Variants in EXOC6B observed in about 807,000 individuals in gnomAD.
EXOC6B encodes exocyst complex component 6B, also known as SEC15 homolog B.
EXOC6B carries 54 observed loss-of-function variants against 113.5 expected under a neutral mutation model. The observed-to-expected ratio is 0.48, with a 90% CI of 0.38 to 0.60. EXOC6B has a LOEUF of 0.60. Ranked by LOEUF, EXOC6B falls within the 20% of genes least tolerant of loss-of-function variation. EXOC6B has a pLI of 0.00. For missense variants in EXOC6B, 797 were observed against 977.5 expected (o/e 0.82, Z 2.46); for synonymous variants, 357 against 339.0 (o/e 1.05, Z -0.58).
intron 18 of EXOC6B, among the ~76,000 whole-genome samples, chr2:72,418,743 ATT>A (rs1263297402): frequency 6.6e-6 from 1 of 152,150 alleles, no homozygotes; most frequent in African/African-American, 2.4e-5. Flanking sequence ...TAATTGGACC[ATT>A]TTAAAAATCC....
chr2:72,687,143 A>C (rs1474187518), intron 6 of EXOC6B, among the ~76,000 whole-genome samples: 4 of 152,138 alleles, frequency 2.6e-5, no homozygotes, highest in Non-Finnish European at 4.4e-5. Context: ...GTCTCAAAAA[A>C]AAAAAAAAAC....
chr2:72,454,478 C>T (rs1175111242), intron 18 of EXOC6B, among the ~76,000 whole-genome samples: 2 of 152,040 alleles, frequency 1.3e-5, no homozygotes, highest in African/African-American at 4.8e-5. Context: ...GCACTCCAGT[C>T]TGGGTGACAG....
rs116358791 is a variant in EXOC6B, at chr2:72,540,452, A to G, written c.915+19001T>C. ...GCTCCATACAAATCATTTTCTACATATATATATTTTCTTAACCATTTGAAA... is the reference window on the plus strand; with the variant it reads ...GCTCCATACAAATCATTTTCTACATGTATATATTTTCTTAACCATTTGAAA... On this transcript the variant is annotated intron_variant, in intron 8 of 21. Transcript: ENST00000272427. Among the ~76,000 whole-genome samples, 815 of 152,246 alleles carry G rather than the reference A, an allele frequency of 5.4e-3. 9 individuals carry two copies. Among genetic ancestry groups the G allele is most frequent in the African/African-American group, 0.019 (777 of 41,548 alleles).
intron 20 of EXOC6B, among the ~76,000 whole-genome samples, chr2:72,191,325 C>T (rs1263331237): frequency 6.6e-6 from 1 of 151,962 alleles, no homozygotes; most frequent in Non-Finnish European, 1.5e-5. Context: ...TCAGAAAATT[C>T]CCTTAGCTTA....
chr2:72,399,531 G>A lies in EXOC6B; in HGVS notation c.1981-19661C>T, dbSNP rs528892695. Among the ~76,000 whole-genome samples the A allele has an allele frequency of 6.4e-4, 98 of 152,196 alleles. 1 individual carries two copies. Among genetic ancestry groups the A allele is most frequent in the African/African-American group, 2.3e-3 (94 of 41,538 alleles). On this transcript the variant is annotated intron_variant, in intron 18 of 21. Coordinates refer to ENST00000272427, the MANE Select transcript of EXOC6B (RefSeq NM_015189.3). ...AACTATCTCTCCTTGCTGATGATAT[G>A]ATTCTATACCCTAAAGACAATACCA... is the stretch of plus-strand genomic sequence containing the variant.
At chr2:72,560,647 T>C (rs547537436) in intron 7 of EXOC6B, among the ~76,000 whole-genome samples, 1 of 152,100 alleles carries the variant, frequency 6.6e-6, no homozygotes, top group Non-Finnish European at 1.5e-5. Flanking sequence ...CACACCTTTA[T>C]ATTTATGGGT....
At chr2:72,575,782 T>C in intron 6 of EXOC6B, 114 bp from the exon 7 acceptor site, 1 of 975,148 alleles carries the variant, frequency 1.0e-6, no homozygotes, top group Non-Finnish European at 1.4e-6. Flanking sequence ...AAACTTCTAA[T>C]TTTGAACAAA....
rs1701914375 is a variant in EXOC6B at position 72,529,932 on chromosome 2, CTTA to C, written c.916-14809_916-14807del. 2.6e-5 allele frequency among the ~76,000 whole-genome samples: 4 copies of C among 152,238 alleles called. No individual in the cohort carries two copies. In the South Asian group the frequency reaches 8.3e-4, roughly 32 times the overall value. ...TATGTAGAGTTGTTCACAGTGTTCT[CTTA>C]TTATCCTTTCCATATCAATAGTGTC... On this transcript the variant is annotated intron_variant, in intron 8 of 21. Coordinates refer to ENST00000272427, the MANE Select transcript of EXOC6B (RefSeq NM_015189.3).
At chr2:72,322,804 T>C (rs1466637017) in intron 20 of EXOC6B, among the ~76,000 whole-genome samples, 1 of 152,146 alleles carries the variant, frequency 6.6e-6, no homozygotes, top group Non-Finnish European at 1.5e-5. Context: ...AAACTGAAAC[T>C]GGACCCCTTC....
chr2:72,758,438 C>CA (rs372704275), intron 1 of EXOC6B, among the ~76,000 whole-genome samples: 1,994 of 144,822 alleles, frequency 0.014, 10 homozygotes, highest in South Asian at 0.021. Flanking sequence ...ACAAGATATG[C>CA]AAAAAAAAAA....
At chr2:72,570,256 G>GGA (rs1273223682) in intron 7 of EXOC6B, among the ~76,000 whole-genome samples, 16 of 152,162 alleles carry the variant, frequency 1.1e-4, no homozygotes, top group Non-Finnish European at 2.4e-4. Flanking sequence ...AGAGGCCTTA[G>GGA]GAGAAACTAA....
chr2:72,612,112 T>G (rs1671110120), intron 6 of EXOC6B, among the ~76,000 whole-genome samples: 2 of 151,878 alleles, frequency 1.3e-5, no homozygotes, highest in African/African-American at 2.4e-5. Flanking sequence ...CTGTCTCTAC[T>G]AAAAATTTAA....
Position 72,288,446 on chromosome 2 carries a change from A to T in EXOC6B, c.2196+46501T>A, listed in dbSNP as rs151323474. ...AAAAACTCAATCTGTAAACAACCCA[A>T]ATGTCCATCAACAATCAAATAGAGA... On this transcript the variant is annotated intron_variant, in intron 20 of 21. Transcript: ENST00000272427. Among the ~76,000 whole-genome samples the T allele has an allele frequency of 1.3e-3, 193 of 152,244 alleles. 1 individual carries two copies. The highest frequency in any genetic ancestry group is 6.6e-3 in the Admixed American group (101 of 15,298).
At chr2:72,583,086 C>A (rs1399265725) in intron 6 of EXOC6B, among the ~76,000 whole-genome samples, 1 of 152,160 alleles carries the variant, frequency 6.6e-6, no homozygotes, top group East Asian at 1.9e-4. Context: ...ACAGGCTGGA[C>A]AAAGTGGAAG....
intron 21 of EXOC6B, 113 bp from the exon 22 acceptor site, chr2:72,179,574 A>T: frequency 1.6e-6 from 2 of 1,247,738 alleles, no homozygotes; most frequent in Non-Finnish European, 2.3e-6. Context: ...GAGTAATGAG[A>T]GAGTCCAGAA....
chr2:72,392,516 CAT>C (rs1692454060), intron 18 of EXOC6B, among the ~76,000 whole-genome samples: 1 of 152,204 alleles, frequency 6.6e-6, no homozygotes, highest in Admixed American at 6.5e-5. Context: ...ACATGTTAAT[CAT>C]AGCTATTTTG....
At chr2:72,419,527 A>G (rs1485149632) in intron 18 of EXOC6B, among the ~76,000 whole-genome samples, 3 of 152,050 alleles carry the variant, frequency 2.0e-5, no homozygotes, top group Admixed American at 2.0e-4. Context: ...TTATGTGGGG[A>G]TGCCTTACTT....
chr2:72,694,783 T>C (rs1158052214), intron 6 of EXOC6B, among the ~76,000 whole-genome samples: 1 of 152,230 alleles, frequency 6.6e-6, no homozygotes, highest in Admixed American at 6.5e-5. Flanking sequence ...GGCTTACATA[T>C]TGCTAAGATA....
intron 20 of EXOC6B, among the ~76,000 whole-genome samples, chr2:72,307,161 G>GTTTTTGTTTTTTTTTT (rs758906963): frequency 3.9e-5 from 5 of 128,512 alleles, no homozygotes; most frequent in Non-Finnish European, 7.8e-5. Context: ...GTATAGTCCA[G>GTTTTTGTTTTTTTTTT]TTTTTTTTTT....
Sources: gnomAD v4.1 joint callset for allele counts (sites outside exome capture counted in the v4.1 genomes callset) on GRCh38, gnomAD v4.1.1 for gene constraint, MANE v1.5 for transcripts, NCBI Gene and HGNC (gene_info 2026-07-23, HGNC 2026-07-21) for gene names.